NSF: variants seen among roughly 807,000 people sequenced by gnomAD.
The protein encoded by NSF is N-ethylmaleimide sensitive factor, vesicle fusing ATPase.
Under a neutral mutation model 50.3 loss-of-function variants are expected in NSF, and 14 were observed. The ratio of observed to expected loss-of-function variants is 0.28; its 90% confidence interval spans 0.18 to 0.44. The LOEUF is 0.44. NSF is among the 20% of genes least tolerant of loss of function. The pLI is 1.00. For missense variants in NSF, 218 were observed against 504.3 expected (o/e 0.43, Z 5.44); for synonymous variants, 109 against 175.7 (o/e 0.62, Z 3.00).
chr17:46,642,527 A>AT (rs1324090057), intron 7 of NSF, among the ~76,000 whole-genome samples: 4 of 131,582 alleles, frequency 3.0e-5, no homozygotes, highest in Non-Finnish European at 4.6e-5. Flanking sequence ...ATTTTTAAAC[A>AT]TGAGTTTTGT....
At chr17:46,633,779 C>T (rs1373259226) in intron 4 of NSF, among the ~76,000 whole-genome samples, 1 of 112,360 alleles carries the variant, frequency 8.9e-6, no homozygotes, top group Non-Finnish European at 1.7e-5. Context: ...ATATTTCAAC[C>T]TATAAATGTT....
At chr17:46,741,849 C>G (rs2059075669) in intron 17 of NSF, among the ~76,000 whole-genome samples, 1 of 152,172 alleles carries the variant, frequency 6.6e-6, no homozygotes. Flanking sequence ...TCACTGCAAC[C>G]TCCGCCTCCC....
chr17:46,717,772 G>C (rs2058787764), intron 15 of NSF, among the ~76,000 whole-genome samples: 1 of 152,120 alleles, frequency 6.6e-6, no homozygotes, highest in African/African-American at 2.4e-5. Context: ...GGCGGTGGCA[G>C]GGAAAGAGTT....
At chr17:46,657,971 T>TTA (rs199856093) in intron 8 of NSF, among the ~76,000 whole-genome samples, 4,973 of 11,498 alleles carry the variant, frequency 0.43, 1,308 homozygotes, top group South Asian at 0.6. Context: ...ATTTTATTTA[T>TTA]TTTTTTTTTT....
At chr17:46,745,684 G>T (rs2059120907) in intron 17 of NSF, among the ~76,000 whole-genome samples, 1 of 152,148 alleles carries the variant, frequency 6.6e-6, no homozygotes, top group African/African-American at 2.4e-5. Flanking sequence ...ACATTAAAAA[G>T]CTAAAAAAGA....
chr17:46,753,906 C>T (rs754809025), intron 19 of NSF, among the ~76,000 whole-genome samples: 2 of 152,146 alleles, frequency 1.3e-5, no homozygotes, highest in African/African-American at 4.8e-5. Context: ...GAATATAAGT[C>T]GTGGTACCTC....
chr17:46,610,140 T>C (rs1195775196), intron 1 of NSF, among the ~76,000 whole-genome samples: 6 of 116,818 alleles, frequency 5.1e-5, no homozygotes, highest in African/African-American at 1.6e-4. Flanking sequence ...TTTCTTCCTT[T>C]CTTTTTGTAG....
chr17:46,749,857 A>G lies in NSF; in HGVS notation c.1993A>G (p.Ile665Val), dbSNP rs1337427821. The change falls in exon 18 of 21, where the codon ATC becomes GTC. Residue 665 changes from isoleucine (I) to valine (V), a missense_variant. By Grantham distance (29) the Ile-to-Val change is conservative. This residue lies in a region of NSF where 209 missense variants were observed against 320.9 expected (regional missense o/e 0.65). Transcript: ENST00000398238. ...AATGCTTAACGCTTTCAGCACCACC[A>G]TCCACGTGCCCAACATTGCCACAGG... The part of the protein sequence containing the change: ...MEMLNAFSTT[I>V]HVPNIATGEQ... 4 of 1,614,168 alleles carry G rather than the reference A, an allele frequency of 2.5e-6. 1 individual carries two copies. The highest frequency in any genetic ancestry group is 3.4e-6 in the Non-Finnish European group (4 of 1,180,018).
At chr17:46,728,975 T>G in intron 17 of NSF, 41 bp downstream of exon 17, 1 of 1,224,534 alleles carries the variant, frequency 8.2e-7, no homozygotes, top group Non-Finnish European at 1.2e-6. Context: ...TAACAAAGAG[T>G]TTTTCAGTAA....
At chr17:46,742,540 A>G (rs1042274109) in intron 17 of NSF, among the ~76,000 whole-genome samples, 1 of 152,208 alleles carries the variant, frequency 6.6e-6, no homozygotes, top group African/African-American at 2.4e-5. Flanking sequence ...GTAAAAGGCG[A>G]TCCAAACTGG....
intron 13 of NSF, among the ~76,000 whole-genome samples, chr17:46,707,802 T>TG (rs1219658869): frequency 2.0e-5 from 3 of 151,962 alleles, no homozygotes; most frequent in Admixed American, 1.3e-4. Context: ...GAGATTGAGG[T>TG]GGGTGGGTCA....
intron 1 of NSF, among the ~76,000 whole-genome samples, chr17:46,610,231 G>A (rs1038894656): frequency 2.1e-5 from 2 of 93,346 alleles, no homozygotes; most frequent in Non-Finnish European, 4.6e-5. Flanking sequence ...CTCCCAAAGT[G>A]TTGAGATTAT....
intron 20 of NSF, 153 bp from the exon 21 acceptor site, chr17:46,755,649 C>A (rs2059225704): frequency 1.2e-6 from 1 of 823,816 alleles, no homozygotes; most frequent in African/African-American, 1.7e-5. Context: ...TGACCATTTT[C>A]TTTTGTGAAG....
intron 16 of NSF, among the ~76,000 whole-genome samples, chr17:46,727,611 A>G (rs1320021032): frequency 1.3e-5 from 2 of 152,094 alleles, no homozygotes; most frequent in African/African-American, 4.8e-5. Flanking sequence ...AAGCAGGTAT[A>G]TCTGTGAGGT....
chr17:46,719,821 A>G lies in NSF; in HGVS notation c.1761+5835A>G, dbSNP rs558480451. ...TGCTTTCTGAGTATACAATCAGTAG[A>G]GATGAAGTAGAACAATCAGATAGAA... On this transcript the variant is annotated intron_variant, in intron 15 of 20. Coordinates refer to ENST00000398238, the MANE Select transcript of NSF (RefSeq NM_006178.4). The surrounding 1 kb of genome is among the most constrained non-coding windows in gnomAD (Gnocchi z 4.3). Among the ~76,000 whole-genome samples, 1 of 152,226 alleles carries G rather than the reference A, an allele frequency of 6.6e-6. No individual in the cohort carries two copies. The highest frequency in any genetic ancestry group is 1.5e-5 in the Non-Finnish European group (1 of 68,054).
chr17:46,755,162 T>C, intron 19 of NSF, 152 bp from the exon 20 acceptor site: 4 of 638,068 alleles, frequency 6.3e-6, no homozygotes, highest in Non-Finnish European at 1.1e-5. Flanking sequence ...CTTTGTTTTG[T>C]GTGAGAATGC....
intron 17 of NSF, among the ~76,000 whole-genome samples, chr17:46,732,289 G>T (rs1308184127): frequency 6.6e-6 from 1 of 152,034 alleles, no homozygotes; most frequent in African/African-American, 2.4e-5. Context: ...TCAAATAAAA[G>T]AATCCCTTCA....
At chr17:46,727,565 A>T (rs1203804131) in intron 16 of NSF, among the ~76,000 whole-genome samples, 1 of 151,966 alleles carries the variant, frequency 6.6e-6, no homozygotes, top group African/African-American at 2.4e-5. Flanking sequence ...TCTGTTATTT[A>T]TTTTTTTAAG....
At chr17:46,704,921 A>T (rs2058644662) in intron 13 of NSF, 67 bp downstream of exon 13, 2 of 1,521,692 alleles carry the variant, frequency 1.3e-6, no homozygotes, top group Non-Finnish European at 1.8e-6. Flanking sequence ...GGCGAAAAGT[A>T]AGTGCCATTT....
Sources: gnomAD v4.1 joint callset for allele counts (sites outside exome capture counted in the v4.1 genomes callset) on GRCh38, gnomAD v4.1.1 for gene constraint, gnomAD v4.1.1 regional missense constraint, Gnocchi (gnomAD v3.1) non-coding constraint, MANE v1.5 for transcripts, NCBI Gene and HGNC (gene_info 2026-07-23, HGNC 2026-07-21) for gene names.